The following BMP1 variants were observed in gnomAD, a reference collection of about 807,000 sequenced individuals.
BMP1 encodes mammalian tolloid protein.
Under a neutral mutation model 116.8 loss-of-function variants are expected in BMP1, and 63 were observed. That is an observed-to-expected ratio of 0.54 (90% confidence interval 0.44 to 0.67). The LOEUF is 0.67. BMP1 is among the 30% of genes least tolerant of loss of function. The pLI, the probability that BMP1 is intolerant of heterozygous loss-of-function variation, is 0.00. For synonymous variants in BMP1, 536 were observed against 533.4 expected, an observed-to-expected ratio of 1.00 and a Z score of -0.07; for missense variants, 1,183 against 1,358.9, an observed-to-expected ratio of 0.87 and a Z score of 2.04.
In BMP1 at chr8:22,207,063, C is replaced by T. The variant is rs533611687; in HGVS notation, c.2361+82C>T. 386 of 1,569,246 alleles carry T rather than the reference C, an allele frequency of 2.5e-4. 3 individuals carry two copies. Among genetic ancestry groups the T allele is most frequent in the South Asian group, 7.7e-4 (66 of 85,326 alleles). On this transcript the variant is annotated intron_variant, in intron 17 of 19. Coordinates refer to ENST00000306385, the MANE Select transcript of BMP1 (RefSeq NM_006129.5). ...TGCCCAGAGCCACACAGGCTGCAGG[C>T]TGAGCCCAGAGGTCTGCCATCCCCA...
chr8:22,211,992 T>C lies in BMP1; in HGVS notation c.*264T>C. ...CATTTCGAAGTCATCATTCCTCTCTTAGGGGGCCCTGCCTGGTGGCAAGAG... is the reference window on the plus strand; with the variant it reads ...CATTTCGAAGTCATCATTCCTCTCTCAGGGGGCCCTGCCTGGTGGCAAGAG... On this transcript the variant is annotated 3_prime_UTR_variant, in exon 20 of 20. Coordinates refer to ENST00000306385, the MANE Select transcript of BMP1 (RefSeq NM_006129.5). The C allele has an allele frequency of 2.0e-6, 1 of 508,114 alleles. No homozygotes were observed. 31.5% of individuals were successfully genotyped at this position (508,114 alleles called of 1,614,324 possible).
chr8:22,178,401 C>T (rs768661141), intron 6 of BMP1, among the ~76,000 whole-genome samples: 7 of 152,172 alleles, frequency 4.6e-5, no homozygotes, highest in Non-Finnish European at 1.0e-4. Flanking sequence ...GGAATCGTCC[C>T]GTCTCAGCCT....
At chr8:22,192,852 C>G (rs1328860228) in intron 9 of BMP1, among the ~76,000 whole-genome samples, 1 of 152,168 alleles carries the variant, frequency 6.6e-6, no homozygotes, top group Non-Finnish European at 1.5e-5. Flanking sequence ...TGGACGTGAT[C>G]GTAAGGAGCT....
Position 22,176,469 on chromosome 8 carries a change from A to G in BMP1, c.434-64A>G, listed in dbSNP as rs1456516343. Reference sequence around the variant, plus strand: ...GCCCTCAGAATGGCTGTGACTCTTCAGTGGTGGGTAGGGGGTGGGACTGCC... The same window carrying G: ...GCCCTCAGAATGGCTGTGACTCTTCGGTGGTGGGTAGGGGGTGGGACTGCC... On this transcript the variant is annotated intron_variant, in intron 3 of 19. Coordinates refer to ENST00000306385, the MANE Select transcript of BMP1 (RefSeq NM_006129.5). The G allele has an allele frequency of 1.3e-5, 20 of 1,578,960 alleles. No individual in the cohort carries two copies. In the East Asian group the frequency reaches 4.3e-4, roughly 34 times the overall value.
chr8:22,203,958 C>T (rs1829308330), intron 16 of BMP1, among the ~76,000 whole-genome samples: 1 of 152,212 alleles, frequency 6.6e-6, no homozygotes, highest in Admixed American at 6.5e-5. Flanking sequence ...GGCCTGTTTA[C>T]CTTTCCATCT....
intron 15 of BMP1, 44 bp from the exon 16 acceptor site, chr8:22,201,759 G>A (rs531269239): frequency 1.2e-6 from 2 of 1,608,082 alleles, no homozygotes; most frequent in Admixed American, 1.7e-5. Flanking sequence ...CCCAACCTCA[G>A]CCCTGCACAG....
At chr8:22,170,113 T>G (rs1354552900) in intron 1 of BMP1, 1 of 152,892 alleles carries the variant, frequency 6.5e-6, no homozygotes, top group Non-Finnish European at 1.5e-5. Flanking sequence ...TCCCACGCAT[T>G]CTTCAGCCAT....
At chr8:22,189,758 G>A (rs1428689020) in intron 8 of BMP1, among the ~76,000 whole-genome samples, 1 of 151,942 alleles carries the variant, frequency 6.6e-6, no homozygotes, top group African/African-American at 2.4e-5. Flanking sequence ...GAGCTACCAT[G>A]CCTGGTCCAC....
rs1390631194 is a variant in BMP1 at position 22,199,183 on chromosome 8, C to T, written c.2107+1763C>T. 1.8e-5 allele frequency: 24 copies of T among 1,367,662 alleles called. 1 individual carries two copies. Among genetic ancestry groups the T allele is most frequent in the South Asian group, 1.2e-4 (11 of 88,046 alleles). The allele number at this position is 1,367,662 out of a possible 1,614,324, so 84.7% of individuals were successfully genotyped here. A position where few individuals can be genotyped will look rare whatever the true frequency, so the allele number is the denominator to read the frequency against. The stretch of plus-strand genomic sequence containing the variant: ...TGTGCACACACATTGCCCCATCGCA[C>T]AAGAAACCTGCAGAGGACCCCCACT... On this transcript the variant is annotated intron_variant, in intron 15 of 19. Coordinates refer to ENST00000306385, the MANE Select transcript of BMP1 (RefSeq NM_006129.5).
intron 15 of BMP1, 92 bp from the exon 16 acceptor site, chr8:22,201,711 G>C (rs1481742800): frequency 1.3e-6 from 2 of 1,566,000 alleles, no homozygotes; most frequent in African/African-American, 1.4e-5. Context: ...GTCCCGGTGG[G>C]AGAAAGTCCA....
rs533843342 is a variant in BMP1, at chr8:22,195,578, C to T, written c.1756C>T (p.Arg586Cys). Residue 586 changes from arginine to cysteine, a missense_variant, in exon 13 of 20, where the codon CGC becomes TGC. Physicochemically the swap from Arg to Cys is radical, Grantham distance 180. Coordinates refer to ENST00000306385, the MANE Select transcript of BMP1 (RefSeq NM_006129.5). The part of the protein sequence containing the change: ...PGYELAPDKR[R>C]CEAACGGFLT... ...GTACGAGCTGGCCCCAGACAAGCGC[C>T]GCTGTGAGGGTGAGTGCCCCCAGAC... 6.9e-5 allele frequency: 112 copies of T among 1,612,156 alleles called. No homozygotes were observed. Among genetic ancestry groups the T allele is most frequent in the Non-Finnish European group, 8.8e-5 (104 of 1,179,642 alleles).
intron 4 of BMP1, 80 bp from the exon 5 acceptor site, chr8:22,176,881 C>T: frequency 7.7e-7 from 1 of 1,302,474 alleles, no homozygotes; most frequent in Non-Finnish European, 1.1e-6. Context: ...CCGCCCCGCC[C>T]CCGGCAGCCT....
chr8:22,167,652 C>G (rs1828155653), intron 1 of BMP1, among the ~76,000 whole-genome samples: 1 of 152,178 alleles, frequency 6.6e-6, no homozygotes, highest in African/African-American at 2.4e-5. Flanking sequence ...CAAGTAAGGG[C>G]TCTGGAGAAA....
At chr8:22,176,816 G>A in intron 4 of BMP1, 145 bp from the exon 5 acceptor site, 1 of 981,944 alleles carries the variant, frequency 1.0e-6, no homozygotes, top group Non-Finnish European at 1.5e-6. Context: ...GTGACCTCCA[G>A]CACACAGCCT....
intron 1 of BMP1, among the ~76,000 whole-genome samples, chr8:22,167,055 A>G (rs1828135289): frequency 1.3e-5 from 2 of 152,246 alleles, no homozygotes; most frequent in South Asian, 4.1e-4. Flanking sequence ...ATGAAAACAT[A>G]CATAAAACAC....
chr8:22,196,046 C>A lies in BMP1; in HGVS notation c.1765+459C>A, dbSNP rs574750469. 486 of 372,438 alleles carry A rather than the reference C, an allele frequency of 1.3e-3. 4 individuals carry two copies. The highest frequency in any genetic ancestry group is 4.9e-3 in the Middle Eastern group (10 of 2,028). The allele number at this position is 372,438 out of a possible 1,614,324, so 23.1% of individuals were successfully genotyped here. Reference sequence around the variant, plus strand: ...ATAAGAAACACATGTCACATTGCAACCCCGAGAACACACTGTCCCCCCGTA... The same window carrying A: ...ATAAGAAACACATGTCACATTGCAAACCCGAGAACACACTGTCCCCCCGTA... On this transcript the variant is annotated intron_variant, in intron 13 of 19. Transcript: ENST00000306385.
chr8:22,165,882 C>CGTGTGTGTGTGTGT (rs149003237), intron 1 of BMP1, among the ~76,000 whole-genome samples: 4,214 of 131,310 alleles, frequency 0.032, 146 homozygotes, highest in East Asian at 0.067. Context: ...CCTGTGCGTG[C>CGTGTGTGTGTGTGT]GTGTGTGTGT....
At position 22,194,147 on chromosome 8, in the gene BMP1, G is replaced by A. The variant is rs2131882350; in HGVS notation, c.1270G>A (p.Gly424Arg). ...VEFRSSSNWV[G>R]KGFFAVYEAI... is the part of the protein sequence containing the mutation. ...ATTCCGCAGCAGCAGCAATTGGGTT[G>A]GAAAGGGCTTCTTTGCAGTCTACGA... is the stretch of plus-strand genomic sequence containing the variant. Residue 424 changes from glycine (G) to arginine (R), a missense_variant, in exon 10 of 20, where the codon GGA (glycine) becomes AGA (arginine). Around this residue, in one of 4 missense-constraint regions of BMP1, gnomAD observed 956 missense variants for 1,135.2 expected, o/e 0.84. Coordinates refer to ENST00000306385, the MANE Select transcript of BMP1 (RefSeq NM_006129.5). This position sits in a 1 kb window ranked among gnomAD's most constrained non-coding sequence, Gnocchi z 4.5. 1.9e-6 allele frequency: 3 copies of A among 1,614,152 alleles called. No individual in the cohort carries two copies. The East Asian group carries it at 6.7e-5, about 36-fold the overall frequency.
chr8:22,184,735 A>T (rs1382670034), intron 8 of BMP1, among the ~76,000 whole-genome samples: 1 of 152,228 alleles, frequency 6.6e-6, no homozygotes, highest in African/African-American at 2.4e-5. Flanking sequence ...TGTACAGCCA[A>T]GAGAATGGAG....
Sources: allele counts gnomAD v4.1 joint callset (sites outside exome capture counted in the v4.1 genomes callset), GRCh38; gene constraint gnomAD v4.1.1; regional missense constraint gnomAD v4.1.1; non-coding constraint Gnocchi (gnomAD v3.1); transcripts MANE v1.5; gene names NCBI Gene and HGNC (gene_info 2026-07-23, HGNC 2026-07-21).